PIK3R1: variants seen among roughly 807,000 people sequenced by gnomAD.
PIK3R1 encodes phosphoinositide-3-kinase regulatory subunit 1.
Under a neutral mutation model 98.0 loss-of-function variants are expected in PIK3R1, and 29 were observed. The observed-to-expected ratio is 0.30, with a 90% CI of 0.22 to 0.40. The LOEUF is 0.40. PIK3R1 is among the 10% of genes least tolerant of loss of function. The pLI, the probability that PIK3R1 is intolerant of heterozygous loss-of-function variation, is 1.00. For missense variants in PIK3R1, 596 were observed against 872.7 expected (o/e 0.68, Z 3.99); for synonymous variants, 282 against 311.8 (o/e 0.90, Z 1.01).
At chr5:68,279,512 TCAC>T in intron 4 of PIK3R1, 87 bp from the exon 5 acceptor site, 1 of 886,088 alleles carries the variant, frequency 1.1e-6, no homozygotes, top group Non-Finnish European at 1.7e-6. Flanking sequence ...TTTTTTTTTG[TCAC>T]ATGTGAGTCA....
rs1235449796 is a variant in PIK3R1 at position 68,297,493 on chromosome 5, C to T, written c.2067C>T (p.Ser689=). 1.2e-6 allele frequency: 2 copies of T among 1,614,122 alleles called. No homozygotes were observed. The highest frequency in any genetic ancestry group is 1.7e-6 in the Non-Finnish European group (2 of 1,179,926). Residue 689 remains serine, a synonymous_variant, in exon 16 of 16, where the codon AGC becomes AGT. Coordinates refer to ENST00000521381, the MANE Select transcript of PIK3R1 (RefSeq NM_181523.3). ...TTGCCGAGCCCTATAACTTGTACAG[C>T]TCTCTGAAAGAACTGGTGCTACATT... is the stretch of plus-strand genomic sequence containing the variant. The part of the protein sequence containing the change: ...YGFAEPYNLY[S]SLKELVLHYQ...
intron 7 of PIK3R1, chr5:68,290,575 G>T (rs1747330486): frequency 3.6e-6 from 4 of 1,120,400 alleles, no homozygotes. Context: ...GAGTGGTCTG[G>T]TGACATTTTT....
chr5:68,255,227 C>T (rs148185033), intron 2 of PIK3R1, among the ~76,000 whole-genome samples: 6 of 152,142 alleles, frequency 3.9e-5, no homozygotes, highest in Admixed American at 3.9e-4. Flanking sequence ...TTGGTCCTCT[C>T]AAAATTTTTG....
intron 2 of PIK3R1, among the ~76,000 whole-genome samples, chr5:68,229,317 T>C (rs1299533910): frequency 2.6e-5 from 4 of 152,196 alleles, no homozygotes; most frequent in Non-Finnish European, 5.9e-5. Context: ...ACTAGTTTCT[T>C]TTGCCTCCGT....
At chr5:68,250,635 C>A (rs2112066162) in intron 2 of PIK3R1, among the ~76,000 whole-genome samples, 1 of 152,284 alleles carries the variant, frequency 6.6e-6, no homozygotes, top group African/African-American at 2.4e-5. Context: ...ATCTCAGGAC[C>A]TAACCACCAT....
At chr5:68,216,147 C>G (rs1483783756) in intron 1 of PIK3R1, among the ~76,000 whole-genome samples, 198 bp downstream of exon 1, 1 of 152,136 alleles carries the variant, frequency 6.6e-6, no homozygotes, top group Non-Finnish European at 1.5e-5. Context: ...TACCCCCGCG[C>G]GCGGCCGGCG....
chr5:68,274,046 A>C (rs763866416), intron 4 of PIK3R1, 33 bp downstream of exon 4: 1 of 1,526,336 alleles, frequency 6.6e-7, no homozygotes, highest in Non-Finnish European at 9.1e-7. Context: ...TGCAAATGGG[A>C]AAGACAGGTC....
chr5:68,234,895 A>G lies in PIK3R1; in HGVS notation c.334+7886A>G, dbSNP rs563833478. Among the ~76,000 whole-genome samples, 3 of 152,280 alleles carry G rather than the reference A, an allele frequency of 2.0e-5. No homozygotes were observed. In the East Asian group the frequency reaches 5.8e-4, roughly 29 times the overall value. On this transcript the variant is annotated intron_variant, in intron 2 of 15. Transcript: ENST00000521381. ...TCTTCCAAGCTTTCTCCTAAAGAAG[A>G]AAATTGACATAATGCTCTCAGACTT...
Position 68,254,019 on chromosome 5 carries a change from A to G in PIK3R1, c.335-19371A>G, listed in dbSNP as rs1377672718. On this transcript the variant is annotated intron_variant, in intron 2 of 15. Coordinates refer to ENST00000521381, the MANE Select transcript of PIK3R1 (RefSeq NM_181523.3). Reference sequence around the variant, plus strand: ...TTTTTTTGTATTTTATAACCTTTCCAGAATCTTGAGTGATTTTTAAATGTT... The same window carrying G: ...TTTTTTTGTATTTTATAACCTTTCCGGAATCTTGAGTGATTTTTAAATGTT... 3.6e-5 allele frequency among the ~76,000 whole-genome samples: 5 copies of G among 138,658 alleles called. No homozygotes were observed. The East Asian group carries it at 1.0e-3, about 28-fold the overall frequency. 91.0% of individuals were successfully genotyped at this position (138,658 alleles called of 152,430 possible).
chr5:68,262,466 A>C (rs1745804194), intron 2 of PIK3R1, among the ~76,000 whole-genome samples: 1 of 145,506 alleles, frequency 6.9e-6, no homozygotes, highest in Non-Finnish European at 1.5e-5. Context: ...ATATATATCT[A>C]TATATGTACA....
At chr5:68,284,132 CCT>C (rs142437200) in intron 7 of PIK3R1, among the ~76,000 whole-genome samples, 12,608 of 152,186 alleles carry the variant, frequency 0.083, 680 homozygotes, top group Non-Finnish European at 0.12. Context: ...TGGGTTAATG[CCT>C]CTCTCCTGGG....
intron 1 of PIK3R1, among the ~76,000 whole-genome samples, chr5:68,223,447 C>G (rs1003558857): frequency 2.0e-5 from 3 of 151,734 alleles, no homozygotes; most frequent in African/African-American, 7.3e-5. Context: ...GAATTAACGT[C>G]TGCATCAATG....
intron 7 of PIK3R1, chr5:68,288,602 C>T (rs746359694): frequency 1.9e-4 from 298 of 1,551,080 alleles, no homozygotes; most frequent in Admixed American, 4.2e-4. Context: ...CTCTCGGCGC[C>T]GGACACGAGC....
intron 2 of PIK3R1, among the ~76,000 whole-genome samples, chr5:68,262,663 A>G (rs1433032409): frequency 5.2e-5 from 7 of 133,546 alleles, no homozygotes; most frequent in Non-Finnish European, 9.5e-5. Context: ...CTGCATGTAT[A>G]CACATGTAGA....
chr5:68,264,743 G>A, intron 2 of PIK3R1, among the ~76,000 whole-genome samples: 1 of 152,082 alleles, frequency 6.6e-6, no homozygotes. Flanking sequence ...ATGGGCATCA[G>A]GAGGCCTGGG....
intron 7 of PIK3R1, chr5:68,290,688 T>C: frequency 6.3e-7 from 1 of 1,585,630 alleles, no homozygotes; most frequent in African/African-American, 1.4e-5. Context: ...AGCCGGACTC[T>C]TTTCTTATAA....
At chr5:68,255,697 G>A (rs1745487554) in intron 2 of PIK3R1, among the ~76,000 whole-genome samples, 1 of 152,284 alleles carries the variant, frequency 6.6e-6, no homozygotes, top group Admixed American at 6.5e-5. Flanking sequence ...GAAACATACG[G>A]CTATCAATGT....
In PIK3R1 at chr5:68,293,340, C is replaced by T. The variant is rs2112257407; in HGVS notation, c.1156C>T (p.Arg386Ter). 1.2e-6 allele frequency: 2 copies of T among 1,612,384 alleles called. No individual in the cohort carries two copies. The highest frequency in any genetic ancestry group is 8.5e-7 in the Non-Finnish European group (1 of 1,178,772). Residue 386 changes from arginine (R) to a stop codon, truncating the protein, a stop_gained, in exon 10 of 16, where the codon CGA (arginine) becomes TGA (stop). Coordinates refer to ENST00000521381, the MANE Select transcript of PIK3R1 (RefSeq NM_181523.3). LOFTEE classifies it high-confidence loss of function. ...GNNKLIKIFH[R>*]DGKYGFSDPL... ...TAACAAATTAATCAAAATATTTCAT[C>T]GAGATGGGAAATATGGCTTCTCTGA...
chr5:68,260,035 A>C (rs1745678798), intron 2 of PIK3R1, among the ~76,000 whole-genome samples: 1 of 152,198 alleles, frequency 6.6e-6, no homozygotes, highest in Non-Finnish European at 1.5e-5. Flanking sequence ...ATTTTCTGAG[A>C]TAATTTTAGT....
Sources: gnomAD v4.1 joint callset for allele counts (sites outside exome capture counted in the v4.1 genomes callset) on GRCh38, gnomAD v4.1.1 for gene constraint, MANE v1.5 for transcripts, NCBI Gene and HGNC (gene_info 2026-07-23, HGNC 2026-07-21) for gene names.